BCLAF1: variants seen among roughly 807,000 people sequenced by gnomAD.
BCLAF1 encodes the protein BCL2 associated transcription factor 1.
Under a neutral mutation model 99.5 loss-of-function variants are expected in BCLAF1, and 10 were observed. That is an observed-to-expected ratio of 0.10 (90% CI 0.06 to 0.17). The LOEUF is 0.17. Ranked by LOEUF, BCLAF1 falls within the 10% of genes least tolerant of loss-of-function variation. The probability of loss-of-function intolerance (pLI) is 1.00; values close to 1 mark genes in which losing one functional copy is unlikely to be tolerated. For synonymous variants in BCLAF1, 255 were observed against 370.9 expected, an observed-to-expected ratio of 0.69 and a Z score of 3.59; for missense variants, 636 against 1,105.8, an observed-to-expected ratio of 0.58 and a Z score of 6.02.
Position 136,261,624 on chromosome 6 carries a change from A to T in BCLAF1, c.2545-147T>A, listed in dbSNP as rs1038667126. On this transcript the variant is annotated intron_variant, in intron 11 of 12. Transcript: ENST00000531224. The stretch of plus-strand genomic sequence containing the variant: ...AAACACAATAAAACAAAACCAGTAA[A>T]ACTGAATTTTTCAACAAAAATACAT... 6.4e-5 allele frequency: 53 copies of T among 825,214 alleles called. 1 individual carries two copies. The highest frequency in any genetic ancestry group is 9.5e-5 in the Non-Finnish European group (52 of 547,726). The allele number at this position is 825,214 out of a possible 1,614,324, so 51.1% of individuals were successfully genotyped here.
intron 6 of BCLAF1, chr6:136,274,078 G>A (rs1782917834): frequency 7.8e-7 from 1 of 1,288,208 alleles, no homozygotes; most frequent in Non-Finnish European, 1.0e-6. Flanking sequence ...TAGCAACTCA[G>A]TTTTTATGCC....
At chr6:136,284,878 G>T (rs944325955) in intron 1 of BCLAF1, among the ~76,000 whole-genome samples, 12 of 152,102 alleles carry the variant, frequency 7.9e-5, no homozygotes, top group Middle Eastern at 3.4e-3. Flanking sequence ...GTGGGCAGGG[G>T]GACTACTTAC....
At chr6:136,285,616 C>T (rs1785022823) in intron 1 of BCLAF1, among the ~76,000 whole-genome samples, 1 of 152,106 alleles carries the variant, frequency 6.6e-6, no homozygotes, top group Non-Finnish European at 1.5e-5. Flanking sequence ...CACTTGTATA[C>T]AGAAATAAGG....
rs118039363 is a variant in BCLAF1, at chr6:136,262,032, T to A, written c.2545-555A>T. On this transcript the variant is annotated intron_variant, in intron 11 of 12. Coordinates refer to ENST00000531224, the MANE Select transcript of BCLAF1 (RefSeq NM_014739.3). ...ATATCGATGTTCTGGGCTAGAGAAT[T>A]TCAATGGTAAATCATGACACGGTCC... 4.8e-3 allele frequency among the ~76,000 whole-genome samples: 728 copies of A among 152,200 alleles called. 5 individuals carry two copies. Among genetic ancestry groups the A allele is most frequent in the South Asian group, 0.033 (161 of 4,820 alleles).
chr6:136,285,039 A>G (rs1194629462), intron 1 of BCLAF1, among the ~76,000 whole-genome samples: 1 of 152,200 alleles, frequency 6.6e-6, no homozygotes, highest in East Asian at 1.9e-4. Flanking sequence ...AGGTTGAGAC[A>G]ACGTGATCAA....
intron 11 of BCLAF1, among the ~76,000 whole-genome samples, chr6:136,265,071 T>TAG (rs1781538113): frequency 6.6e-6 from 1 of 152,090 alleles, no homozygotes. Flanking sequence ...TGTTAAACAA[T>TAG]TACTATCTAT....
In BCLAF1 at chr6:136,260,828, AC is replaced by A. The variant is rs1395687500; in HGVS notation, c.*281del. On this transcript the variant is annotated 3_prime_UTR_variant, in exon 13 of 13. Transcript: ENST00000531224. ...AGCTGTACTTGACCATATCTTATAG[AC>A]AAAGCAGAATTACAATGCATGTAAC... The A allele has an allele frequency of 1.5e-4, 68 of 457,872 alleles. No individual in the cohort carries two copies. Among genetic ancestry groups the A allele is most frequent in the Non-Finnish European group, 2.4e-4 (63 of 259,182 alleles). The allele number at this position is 457,872 out of a possible 1,614,324, so 28.4% of individuals were successfully genotyped here. A position where few individuals can be genotyped will look rare whatever the true frequency, so the allele number is the denominator to read the frequency against.
Position 136,278,777 on chromosome 6 carries a change from C to A in BCLAF1, c.105-1G>T. 1 of 1,503,240 alleles carries A rather than the reference C, an allele frequency of 6.7e-7. No individual in the cohort carries two copies. The allele number at this position is 1,503,240 out of a possible 1,614,324, so 93.1% of individuals were successfully genotyped here. A position where few individuals can be genotyped will look rare whatever the true frequency, so the allele number is the denominator to read the frequency against. ...ATATGTTCTGGAACGAGACCTAGAA[C>A]TAAAAATGAAATAAATATCAATGCA... On this transcript the variant is annotated splice_acceptor_variant, in intron 3 of 12. Coordinates refer to ENST00000531224, the MANE Select transcript of BCLAF1 (RefSeq NM_014739.3). LOFTEE classifies it high-confidence loss of function.
chr6:136,269,166 C>A, intron 9 of BCLAF1: 1 of 1,287,376 alleles, frequency 7.8e-7, no homozygotes, highest in East Asian at 3.9e-5. Flanking sequence ...AAATGCACTG[C>A]ATTGAAGTCC....
chr6:136,268,396 G>A (rs765981122), intron 9 of BCLAF1, 57 bp from the exon 10 acceptor site: 132 of 1,422,662 alleles, frequency 9.3e-5, no homozygotes, highest in Non-Finnish European at 1.2e-4. Context: ...AGACCCTGCT[G>A]AATCTTACAA....
intron 3 of BCLAF1, 79 bp downstream of exon 3, chr6:136,279,684 T>C: frequency 7.7e-7 from 1 of 1,291,684 alleles, no homozygotes; most frequent in African/African-American, 1.5e-5. Flanking sequence ...TTTTGGGGTT[T>C]AGCACTGTGT....
At chr6:136,283,386 C>T (rs1784639738) in intron 1 of BCLAF1, among the ~76,000 whole-genome samples, 1 of 152,064 alleles carries the variant, frequency 6.6e-6, no homozygotes, top group South Asian at 2.1e-4. Flanking sequence ...CTAAAAGCAT[C>T]TTGATACGTC....
Position 136,261,311 on chromosome 6 carries a change from G to C in BCLAF1, c.2711C>G (p.Thr904Ser). 6.2e-7 allele frequency: 1 copy of C among 1,613,304 alleles called. No homozygotes were observed. Among genetic ancestry groups the C allele is most frequent in the Non-Finnish European group, 8.5e-7 (1 of 1,179,762 alleles). Residue 904 changes from threonine (T) to serine (S), a missense_variant, in exon 12 of 13, where the codon ACC becomes AGC. By Grantham distance (58) the Thr-to-Ser change is moderately conservative. Coordinates refer to ENST00000531224, the MANE Select transcript of BCLAF1 (RefSeq NM_014739.3). The stretch of plus-strand genomic sequence containing the variant: ...CTTCTTTTCTTCATTATTTTCCATG[G>C]TCTCTTCTTCATCTTCAACAATCCC... Reference protein sequence around the residue: ...GDGIVEDEEETMENNEEKKDR... With the variant: ...GDGIVEDEEESMENNEEKKDR...
chr6:136,285,663 A>G (rs1237636116), intron 1 of BCLAF1, among the ~76,000 whole-genome samples: 1 of 152,226 alleles, frequency 6.6e-6, no homozygotes, highest in Non-Finnish European at 1.5e-5. Context: ...CAATTGACAG[A>G]CCAACCAATG....
intron 2 of BCLAF1, among the ~76,000 whole-genome samples, chr6:136,281,628 C>T (rs1223070092): frequency 6.6e-6 from 1 of 152,140 alleles, no homozygotes; most frequent in East Asian, 1.9e-4. Flanking sequence ...AGATCCAGTC[C>T]AGCAATAAGA....
At chr6:136,275,508 C>T (rs1307385298) in intron 6 of BCLAF1, 24 bp downstream of exon 6, 5 of 1,457,554 alleles carry the variant, frequency 3.4e-6, no homozygotes, top group Non-Finnish European at 3.6e-6. Context: ...ATTTAATTCA[C>T]GATACTAAAC....
rs2128463451 is a variant in BCLAF1 at position 136,260,211 on chromosome 6, C to T, written c.*899G>A. ...ATGAAATCAGGTACTAATGTATCAA[C>T]TTATTCTGCAGGATAGACCTCCTAC... On this transcript the variant is annotated 3_prime_UTR_variant, in exon 13 of 13. Transcript: ENST00000531224. 1 of 152,122 alleles carries T rather than the reference C, an allele frequency of 6.6e-6. No homozygotes were observed. Among genetic ancestry groups the T allele is most frequent in the South Asian group, 2.1e-4 (1 of 4,822 alleles). The allele number at this position is 152,122 out of a possible 1,614,324, so 9.4% of individuals were successfully genotyped here. A position where few individuals can be genotyped will look rare whatever the true frequency, so the allele number is the denominator to read the frequency against.
In BCLAF1 at chr6:136,276,150, A is replaced by C. The variant is rs1967446; in HGVS notation, c.1375T>G (p.Tyr459Asp). The change falls in exon 5 of 13, where the codon TAT (tyrosine) becomes GAT (aspartate). Residue 459 changes from tyrosine to aspartate, a missense_variant. Tyr to Asp is a radical substitution (Grantham distance 160). This residue lies in a region of BCLAF1 where 186 missense variants were observed against 275.3 expected (regional missense o/e 0.68). Coordinates refer to ENST00000531224, the MANE Select transcript of BCLAF1 (RefSeq NM_014739.3). ...ESDGFREEKN[Y>D]KLKETGYVVE... The stretch of plus-strand genomic sequence containing the variant: ...ACATATCCAGTCTCTTTAAGTTTAT[A>C]ATTTTTTTCTTCTCTAAATCCATCA... 1 of 1,613,398 alleles carries C rather than the reference A, an allele frequency of 6.2e-7. No individual in the cohort carries two copies. Among genetic ancestry groups the C allele is most frequent in the African/African-American group, 1.3e-5 (1 of 74,970 alleles).
chr6:136,280,837 T>C (rs1163517259), intron 2 of BCLAF1, among the ~76,000 whole-genome samples: 1 of 152,178 alleles, frequency 6.6e-6, no homozygotes, highest in Non-Finnish European at 1.5e-5. Context: ...CTCAAGCTTG[T>C]TTTTGCTGCA....
Sources: gnomAD v4.1 joint callset for allele counts (sites outside exome capture counted in the v4.1 genomes callset) on GRCh38, gnomAD v4.1.1 for gene constraint, gnomAD v4.1.1 regional missense constraint, MANE v1.5 for transcripts, NCBI Gene and HGNC (gene_info 2026-07-23, HGNC 2026-07-21) for gene names.